Variants in IL6ST observed in about 807,000 individuals in gnomAD.
IL6ST encodes interleukin-6 receptor subunit beta.
A neutral mutation model predicts 91.3 loss-of-function variants in IL6ST; 24 were observed. The observed-to-expected ratio is 0.26, with a 90% CI of 0.19 to 0.37. The LOEUF (loss-of-function observed/expected upper bound fraction) is 0.37, where lower values mean the gene tolerates loss of function less well. IL6ST is among the 10% of genes least tolerant of loss of function. The pLI is 1.00. For missense variants in IL6ST, 914 were observed against 1,078.5 expected (o/e 0.85, Z 2.14); for synonymous variants, 351 against 373.6 (o/e 0.94, Z 0.70).
chr5:55,975,331 CTT>C (rs1190144257), intron 3 of IL6ST, among the ~76,000 whole-genome samples: 1 of 152,156 alleles, frequency 6.6e-6, no homozygotes, highest in Non-Finnish European at 1.5e-5. Context: ...TTCTCTCTCT[CTT>C]CCTCCTGTTC....
chr5:55,982,597 T>C (rs1026260907), intron 2 of IL6ST, 127 bp downstream of exon 2: 2 of 391,508 alleles, frequency 5.1e-6, no homozygotes, highest in African/African-American at 2.1e-5. Flanking sequence ...ACACAAAATG[T>C]TGTCACATAA....
chr5:55,957,411 C>T (rs1277926729), intron 8 of IL6ST, 120 bp from the exon 9 acceptor site: 1 of 497,312 alleles, frequency 2.0e-6, no homozygotes, highest in Non-Finnish European at 3.5e-6. Flanking sequence ...GGTGTCTCTA[C>T]CTCTTTATAC....
chr5:55,950,399 T>C (rs1157684519), intron 14 of IL6ST, among the ~76,000 whole-genome samples: 2 of 151,414 alleles, frequency 1.3e-5, no homozygotes, highest in East Asian at 2.0e-4. Context: ...TAGCCAGGCA[T>C]GGTAGTGGGC....
chr5:55,980,688 A>G (rs62363901), intron 2 of IL6ST, among the ~76,000 whole-genome samples: 4,386 of 152,276 alleles, frequency 0.029, 142 homozygotes, highest in African/African-American at 0.071. Flanking sequence ...AACTCCCTGA[A>G]CCTAAAATAA....
At chr5:55,972,318 G>A (rs562386234) in intron 3 of IL6ST, among the ~76,000 whole-genome samples, 6 of 152,026 alleles carry the variant, frequency 3.9e-5, no homozygotes, top group African/African-American at 9.7e-5. Flanking sequence ...CAAGGCCATC[G>A]TGGCTAACAT....
intron 2 of IL6ST, among the ~76,000 whole-genome samples, chr5:55,980,601 T>C (rs1010924822): frequency 6.6e-6 from 1 of 152,128 alleles, no homozygotes; most frequent in Non-Finnish European, 1.5e-5. Flanking sequence ...TTGGGTACTA[T>C]GCTCACCAAC....
chr5:55,952,017 T>C lies in IL6ST; in HGVS notation c.1611A>G (p.Leu537=). 7.4e-6 allele frequency: 12 copies of C among 1,612,034 alleles called. No homozygotes were observed. The highest frequency in any genetic ancestry group is 1.0e-5 in the Non-Finnish European group (12 of 1,178,224). ...TKKVGKNEAV[L]EWDQLPVDVQ... ...CATCAACAGGAAGTTGGTCCCACTC[T>C]AAGACAGCTTCGTTTTTCCCTACTT... The change falls in exon 13 of 17, where the codon TTA becomes TTG. Residue 537 remains leucine, a synonymous_variant. Transcript: ENST00000381298.
At chr5:55,978,039 C>A (rs570722455) in intron 2 of IL6ST, among the ~76,000 whole-genome samples, 2 of 152,038 alleles carry the variant, frequency 1.3e-5, no homozygotes, top group African/African-American at 4.8e-5. Flanking sequence ...TCACTGAATT[C>A]TGTGTCAACT....
In IL6ST at chr5:55,940,884, T is replaced by A; in HGVS notation, c.*198A>T. ...CAGCTAGTCTGAGGATAAAGTCAGTTTATGTAGTGCTTAAAGTAGAATCCC... is the reference window on the plus strand; with the variant it reads ...CAGCTAGTCTGAGGATAAAGTCAGTATATGTAGTGCTTAAAGTAGAATCCC... On this transcript the variant is annotated 3_prime_UTR_variant, in exon 17 of 17. Transcript: ENST00000381298. The A allele has an allele frequency of 1.8e-6, 1 of 555,378 alleles. No individual in the cohort carries two copies. The highest frequency in any genetic ancestry group is 2.7e-5 in the South Asian group (1 of 37,148). 34.4% of individuals were successfully genotyped at this position (555,378 alleles called of 1,614,324 possible).
At chr5:55,974,952 C>CAT (rs1561193581) in intron 3 of IL6ST, among the ~76,000 whole-genome samples, 1 of 148,036 alleles carries the variant, frequency 6.8e-6, no homozygotes, top group Non-Finnish European at 1.5e-5. Flanking sequence ...CACACACACA[C>CAT]ACATACACAC....
chr5:55,956,359 C>G (rs912048230), intron 9 of IL6ST, 124 bp from the exon 10 acceptor site: 2 of 622,344 alleles, frequency 3.2e-6, no homozygotes, highest in Non-Finnish European at 5.6e-6. Flanking sequence ...GGAAAGGATT[C>G]ACAATCTCCA....
intron 5 of IL6ST, among the ~76,000 whole-genome samples, chr5:55,967,056 C>T (rs1752672655): frequency 6.6e-6 from 1 of 151,532 alleles, no homozygotes; most frequent in Admixed American, 6.6e-5. Context: ...CCACGTCTAT[C>T]ATCTAAGCAC....
chr5:55,952,658 T>C (rs1751708521), intron 11 of IL6ST, among the ~76,000 whole-genome samples: 1 of 152,206 alleles, frequency 6.6e-6, no homozygotes. Flanking sequence ...AATTTTTGTA[T>C]GTCTTACCTA....
intron 1 of IL6ST, among the ~76,000 whole-genome samples, chr5:55,992,276 T>C (rs1376530247): frequency 2.0e-5 from 3 of 152,238 alleles, no homozygotes; most frequent in African/African-American, 7.2e-5. Flanking sequence ...TGGGTTTTTA[T>C]AGACTTTCTG....
At chr5:55,942,890 C>A in intron 15 of IL6ST, 139 bp from the exon 16 acceptor site, 1 of 508,736 alleles carries the variant, frequency 2.0e-6, no homozygotes. Context: ...TACTCTACCC[C>A]AAACAAAAAT....
At chr5:55,957,361 CT>C (rs1028584689) in intron 8 of IL6ST, 70 bp from the exon 9 acceptor site, 22 of 800,980 alleles carry the variant, frequency 2.7e-5, no homozygotes, top group Non-Finnish European at 4.1e-5. Context: ...GCAAATTATT[CT>C]TTTACTTTGT....
chr5:55,980,080 C>T (rs575356236), intron 2 of IL6ST, among the ~76,000 whole-genome samples: 4 of 152,116 alleles, frequency 2.6e-5, no homozygotes, highest in African/African-American at 4.8e-5. Flanking sequence ...AACACACATT[C>T]GTTTTTTTAT....
intron 2 of IL6ST, among the ~76,000 whole-genome samples, chr5:55,977,797 G>C (rs1753397190): frequency 6.6e-6 from 1 of 152,024 alleles, no homozygotes; most frequent in Non-Finnish European, 1.5e-5. Context: ...CTGGACTCCA[G>C]CATGGGCAAC....
At chr5:55,951,897 C>G in intron 13 of IL6ST, 32 bp downstream of exon 13, 1 of 1,287,930 alleles carries the variant, frequency 7.8e-7, no homozygotes, top group Non-Finnish European at 1.1e-6. Flanking sequence ...GAAAAAATAA[C>G]TGATTCTTAA....
Sources: gnomAD v4.1 joint callset for allele counts (sites outside exome capture counted in the v4.1 genomes callset) on GRCh38, gnomAD v4.1.1 for gene constraint, MANE v1.5 for transcripts, NCBI Gene and HGNC (gene_info 2026-07-23, HGNC 2026-07-21) for gene names.